DPP10: variants seen among roughly 807,000 people sequenced by gnomAD.
DPP10 encodes the protein inactive dipeptidyl peptidase 10.
Under a neutral mutation model 120.9 loss-of-function variants are expected in DPP10, and 33 were observed. The observed-to-expected ratio is 0.27, with a 90% CI of 0.21 to 0.37. The LOEUF (loss-of-function observed/expected upper bound fraction) is 0.37, where lower values mean the gene tolerates loss of function less well. Among genes scored for constraint, DPP10 ranks in the 10% least tolerant of loss-of-function variants. The probability of loss-of-function intolerance (pLI) is 1.00; values close to 1 mark genes in which losing one functional copy is unlikely to be tolerated. For missense variants in DPP10, 816 were observed against 942.8 expected (o/e 0.87, Z 1.76); for synonymous variants, 337 against 326.1 (o/e 1.03, Z -0.36).
chr2:114,484,500 A>G (rs74701679), intron 1 of DPP10, among the ~76,000 whole-genome samples: 2,948 of 152,268 alleles, frequency 0.019, 98 homozygotes, highest in African/African-American at 0.067. Context: ...ATCTGCCACG[A>G]GTTAGCCCAC....
At chr2:115,578,957 A>G (rs976406800) in intron 5 of DPP10, among the ~76,000 whole-genome samples, 5 of 152,168 alleles carry the variant, frequency 3.3e-5, no homozygotes, top group African/African-American at 1.2e-4. Flanking sequence ...AAACCTACAC[A>G]ATATCAAGCC....
At chr2:115,214,111 CAT>C (rs2056676375) in intron 1 of DPP10, among the ~76,000 whole-genome samples, 1 of 152,192 alleles carries the variant, frequency 6.6e-6, no homozygotes, top group Admixed American at 6.5e-5. Flanking sequence ...GGGGAGGAAA[CAT>C]AATATCCTGG....
At chr2:114,568,424 T>G (rs1689377991) in intron 1 of DPP10, among the ~76,000 whole-genome samples, 1 of 152,218 alleles carries the variant, frequency 6.6e-6, no homozygotes, top group Admixed American at 6.5e-5. Flanking sequence ...ATAGGCTTTT[T>G]GTGATGCTTG....
rs2068229589 is a variant in DPP10, at chr2:115,403,134, T to C, written c.271+59222T>C. ...AAAATATGCAGATCAATAAATGTGA[T>C]GCACCACTTTAACAAAATGAAAAAA... On this transcript the variant is annotated intron_variant, in intron 3 of 25. Transcript: ENST00000410059. 2.0e-5 allele frequency among the ~76,000 whole-genome samples: 3 copies of C among 151,392 alleles called. No individual in the cohort carries two copies. In the South Asian group the frequency reaches 6.2e-4, roughly 31 times the overall value.
chr2:115,754,704 T>C (rs1679180827), intron 11 of DPP10, among the ~76,000 whole-genome samples: 1 of 152,044 alleles, frequency 6.6e-6, no homozygotes, highest in Non-Finnish European at 1.5e-5. Flanking sequence ...ATACTATATA[T>C]GTAGAAAAGT....
At chr2:114,510,899 T>G (rs937348390) in intron 1 of DPP10, among the ~76,000 whole-genome samples, 1 of 152,214 alleles carries the variant, frequency 6.6e-6, no homozygotes, top group Non-Finnish European at 1.5e-5. Context: ...CAGACTTATT[T>G]GTAGTTATTA....
intron 5 of DPP10, among the ~76,000 whole-genome samples, chr2:115,670,921 G>T (rs1377950766): frequency 6.6e-6 from 1 of 152,028 alleles, no homozygotes; most frequent in East Asian, 1.9e-4. Flanking sequence ...TGAGTCACAT[G>T]AGTTTTCATG....
chr2:115,733,879 A>G (rs898327222), intron 8 of DPP10, among the ~76,000 whole-genome samples: 3 of 152,180 alleles, frequency 2.0e-5, no homozygotes, highest in East Asian at 1.9e-4. Context: ...CCAAACGTAC[A>G]CTAAATTGGA....
At chr2:115,681,506 T>C (rs1289877551) in intron 5 of DPP10, among the ~76,000 whole-genome samples, 2 of 151,846 alleles carry the variant, frequency 1.3e-5, no homozygotes, top group Non-Finnish European at 3.0e-5. Context: ...AGTTAACAAG[T>C]TGCAATTGAA....
In DPP10 at chr2:115,777,924, T is replaced by G. The variant is rs1421081140; in HGVS notation, c.1361+90T>G. The G allele has an allele frequency of 7.9e-6, 11 of 1,388,628 alleles. No homozygotes were observed. The South Asian group carries it at 1.2e-4, about 16-fold the overall frequency. 86.0% of individuals were successfully genotyped at this position (1,388,628 alleles called of 1,614,324 possible). A position where few individuals can be genotyped will look rare whatever the true frequency, so the allele number is the denominator to read the frequency against. On this transcript the variant is annotated intron_variant, in intron 15 of 25. Coordinates refer to ENST00000410059, the MANE Select transcript of DPP10 (RefSeq NM_020868.6). ...GGAAGGAAAGGAAAAATTTGAAATG[T>G]CTTTTTCAACATGGCTAGGAAGAGC... is the stretch of plus-strand genomic sequence containing the variant.
intron 1 of DPP10, among the ~76,000 whole-genome samples, chr2:114,738,500 G>C (rs911863794): frequency 1.3e-5 from 2 of 152,142 alleles, no homozygotes; most frequent in African/African-American, 4.8e-5. Flanking sequence ...AAAAAATAAA[G>C]CCTGGGACAC....
intron 1 of DPP10, chr2:114,835,443 A>G (rs1171319685): frequency 2.6e-5 from 4 of 152,172 alleles, no homozygotes; most frequent in African/African-American, 9.7e-5. Flanking sequence ...ACACCTATGT[A>G]TATATAAGAC....
intron 1 of DPP10, among the ~76,000 whole-genome samples, chr2:115,063,004 C>A (rs1464280558): frequency 6.6e-6 from 1 of 152,216 alleles, no homozygotes; most frequent in Non-Finnish European, 1.5e-5. Flanking sequence ...TACATTCCCA[C>A]CAACACTGTA....
At chr2:114,850,481 T>G (rs1688869184) in intron 1 of DPP10, among the ~76,000 whole-genome samples, 1 of 152,246 alleles carries the variant, frequency 6.6e-6, no homozygotes, top group Non-Finnish European at 1.5e-5. Flanking sequence ...TGTGCATTGC[T>G]TGATACAAAT....
At chr2:115,547,643 G>A (rs1187141155) in intron 5 of DPP10, among the ~76,000 whole-genome samples, 2 of 151,976 alleles carry the variant, frequency 1.3e-5, no homozygotes, top group Non-Finnish European at 2.9e-5. Flanking sequence ...GTATGTTCCT[G>A]TAGTCCCAGC....
intron 3 of DPP10, among the ~76,000 whole-genome samples, chr2:115,417,282 C>T (rs1475498405): frequency 1.3e-5 from 2 of 151,994 alleles, no homozygotes; most frequent in Admixed American, 6.6e-5. Flanking sequence ...TGGAAACCCC[C>T]CAAATAATGT....
intron 1 of DPP10, among the ~76,000 whole-genome samples, chr2:114,544,862 T>A (rs533756079): frequency 6.6e-6 from 1 of 152,082 alleles, no homozygotes; most frequent in Non-Finnish European, 1.5e-5. Flanking sequence ...ATATTAAATT[T>A]TTTTTTTTGA....
intron 17 of DPP10, among the ~76,000 whole-genome samples, chr2:115,790,006 T>G (rs1683765447): frequency 6.6e-6 from 1 of 152,142 alleles, no homozygotes; most frequent in African/African-American, 2.4e-5. Context: ...CACATGGATA[T>G]ATGTGTGTAC....
At chr2:114,766,732 T>C (rs1319046817) in intron 1 of DPP10, among the ~76,000 whole-genome samples, 7 of 152,124 alleles carry the variant, frequency 4.6e-5, no homozygotes, top group African/African-American at 1.7e-4. Flanking sequence ...ATAACAATAA[T>C]ATAAAAACCT....
Sources: allele counts gnomAD v4.1 joint callset (sites outside exome capture counted in the v4.1 genomes callset), GRCh38; gene constraint gnomAD v4.1.1; transcripts MANE v1.5; gene names NCBI Gene and HGNC (gene_info 2026-07-23, HGNC 2026-07-21).